The following CENPP variants were observed in gnomAD, a reference collection of about 807,000 sequenced individuals.
CENPP encodes the protein centromere protein P.
Under a neutral mutation model 35.6 loss-of-function variants are expected in CENPP, and 24 were observed. The ratio of observed to expected loss-of-function variants is 0.67; its 90% CI spans 0.49 to 0.95. The LOEUF (loss-of-function observed/expected upper bound fraction) is 0.95, where lower values mean the gene tolerates loss of function less well. Ranked by LOEUF, CENPP falls within the 40% of genes least tolerant of loss-of-function variation. The pLI is 0.00. For missense variants in CENPP, 332 were observed against 345.3 expected (o/e 0.96, Z 0.31); for synonymous variants, 120 against 125.5 (o/e 0.96, Z 0.29).
In CENPP at chr9:92,417,153, C is replaced by T. The variant is rs148128475; in HGVS notation, c.564+37294C>T. 2.6e-4 allele frequency: 414 copies of T among 1,613,826 alleles called. 1 individual carries two copies. The African/African-American group carries it at 4.9e-3, about 19-fold the overall frequency. On this transcript the variant is annotated intron_variant, in intron 5 of 7. Transcript: ENST00000375587. ...AGTAGATTTGGAAGCTTAGCAAACA[C>T]ACCATAATCAATCTTTTGAGATTTA... is the stretch of plus-strand genomic sequence containing the variant.
intron 5 of CENPP, chr9:92,386,179 A>G: frequency 6.7e-7 from 1 of 1,500,692 alleles, no homozygotes; most frequent in Non-Finnish European, 9.3e-7. Context: ...AGAGTCAGAT[A>G]TTGTGAAAGG....
At chr9:92,496,567 ATT>A in intron 5 of CENPP, 1 of 1,527,180 alleles carries the variant, frequency 6.5e-7, no homozygotes, top group Non-Finnish European at 8.7e-7. Flanking sequence ...TGTTAAAAAA[ATT>A]TTGTTCTTAA....
chr9:92,562,570 T>C (rs1401297506), intron 5 of CENPP, among the ~76,000 whole-genome samples: 1 of 152,224 alleles, frequency 6.6e-6, no homozygotes, highest in East Asian at 1.9e-4. Context: ...TTTCATATTG[T>C]AGGGTGTGGT....
intron 5 of CENPP, among the ~76,000 whole-genome samples, chr9:92,441,630 G>A (rs1308968067): frequency 3.3e-5 from 5 of 152,164 alleles, no homozygotes; most frequent in East Asian, 3.9e-4. Context: ...ATGATAGCGC[G>A]TACCTGTAGT....
intron 5 of CENPP, among the ~76,000 whole-genome samples, chr9:92,443,823 C>G (rs1326274086): frequency 1.3e-5 from 2 of 152,022 alleles, no homozygotes; most frequent in Admixed American, 6.6e-5. Context: ...CCACGCCCAG[C>G]TAATTTTTTT....
At chr9:92,494,008 C>G in intron 5 of CENPP, 3 of 1,477,178 alleles carry the variant, frequency 2.0e-6, no homozygotes, top group Non-Finnish European at 2.8e-6. Context: ...GTGTGCTCGT[C>G]GCATTGTCAC....
intron 7 of CENPP, 148 bp from the exon 8 acceptor site, chr9:92,612,871 C>T (rs532209844): frequency 1.0e-5 from 10 of 972,294 alleles, no homozygotes; most frequent in South Asian, 4.7e-5. Flanking sequence ...CCACTCACTC[C>T]ATCTCCTCGC....
intron 5 of CENPP, among the ~76,000 whole-genome samples, chr9:92,558,756 A>G (rs971498593): frequency 6.6e-6 from 1 of 152,060 alleles, no homozygotes; most frequent in East Asian, 1.9e-4. Flanking sequence ...AAGGACCATC[A>G]GGTGGGGACA....
At chr9:92,379,351 A>C (rs986441697) in intron 4 of CENPP, among the ~76,000 whole-genome samples, 2 of 152,218 alleles carry the variant, frequency 1.3e-5, no homozygotes, top group Non-Finnish European at 2.9e-5. Context: ...AATACGTAGA[A>C]GCCACTATGA....
At chr9:92,497,097 C>A (rs1370960894) in intron 5 of CENPP, among the ~76,000 whole-genome samples, 1 of 152,174 alleles carries the variant, frequency 6.6e-6, no homozygotes. Context: ...CCTTTGCACT[C>A]TGCATTCCCA....
At chr9:92,453,913 AGTTTGAGACCAG>A (rs1409480072) in intron 5 of CENPP, among the ~76,000 whole-genome samples, 2 of 152,134 alleles carry the variant, frequency 1.3e-5, no homozygotes, top group African/African-American at 2.4e-5. Context: ...TAAGCCCAAG[AGTTTGAGACCAG>A]CCTGGACAAT....
chr9:92,488,040 A>G (rs1015066730), intron 5 of CENPP, among the ~76,000 whole-genome samples: 2 of 152,188 alleles, frequency 1.3e-5, no homozygotes, highest in Admixed American at 1.3e-4. Flanking sequence ...TTCTGAGCAC[A>G]TGTATCTAGC....
Position 92,326,075 on chromosome 9 carries a change from C to G in CENPP, c.77C>G (p.Pro26Arg). 6.4e-7 allele frequency: 1 copy of G among 1,559,606 alleles called. No homozygotes were observed. The highest frequency in any genetic ancestry group is 8.7e-7 in the Non-Finnish European group (1 of 1,152,114). ...CTGCGGCGAGCGTGTGAGGACCCAC[C>G]GGCGCCCTGGGAAGAGAAGTCCCGA... is the stretch of plus-strand genomic sequence containing the variant. ...AALRRACEDP[P>R]APWEEKSRVQ... The change falls in exon 1 of 8, where the codon CCG becomes CGG. Residue 26 changes from proline to arginine, a missense_variant. Coordinates refer to ENST00000375587, the MANE Select transcript of CENPP (RefSeq NM_001012267.3).
Position 92,619,731 on chromosome 9 carries a change from T to G in CENPP, c.*6582T>G, listed in dbSNP as rs577115821. On this transcript the variant is annotated 3_prime_UTR_variant, in exon 8 of 8. Coordinates refer to ENST00000375587, the MANE Select transcript of CENPP (RefSeq NM_001012267.3). ...GAGCACGGGCGTCAGGAGGTCGCCC[T>G]GTGAGAGCACCTGGGCCAGCCCTCA... is the stretch of plus-strand genomic sequence containing the variant. 2.5e-5 allele frequency: 16 copies of G among 645,156 alleles called. No individual in the cohort carries two copies. In the African/African-American group the frequency reaches 2.9e-4, roughly 12 times the overall value. 40.0% of individuals were successfully genotyped at this position (645,156 alleles called of 1,614,324 possible).
intron 5 of CENPP, among the ~76,000 whole-genome samples, chr9:92,592,429 G>GT (rs1405233837): frequency 6.6e-6 from 1 of 152,118 alleles, no homozygotes; most frequent in African/African-American, 2.4e-5. Flanking sequence ...GCTCCCTGTT[G>GT]TTTTTTATGA....
At chr9:92,565,293 T>TTAA (rs1849938646) in intron 5 of CENPP, among the ~76,000 whole-genome samples, 1 of 33,162 alleles carries the variant, frequency 3.0e-5, no homozygotes, top group Non-Finnish European at 4.9e-5. Context: ...GCTGATGAGC[T>TTAA]AAAAAAAAAA....
intron 5 of CENPP, among the ~76,000 whole-genome samples, chr9:92,544,420 G>A (rs75178304): frequency 0.011 from 1,731 of 152,282 alleles, 26 homozygotes; most frequent in African/African-American, 0.038. Flanking sequence ...AGGTTGCAGC[G>A]AGCCACGATT....
chr9:92,575,805 C>A (rs1451587848), intron 5 of CENPP, among the ~76,000 whole-genome samples: 1 of 150,544 alleles, frequency 6.6e-6, no homozygotes, highest in Non-Finnish European at 1.5e-5. Flanking sequence ...GAGTGAGACT[C>A]CATTTCAAAA....
chr9:92,579,647 A>G (rs1259592429), intron 5 of CENPP, among the ~76,000 whole-genome samples: 1 of 150,360 alleles, frequency 6.7e-6, no homozygotes, highest in Admixed American at 6.6e-5. Flanking sequence ...TTGTACATTG[A>G]TTTTGTATCC....
Sources: allele counts gnomAD v4.1 joint callset (sites outside exome capture counted in the v4.1 genomes callset), GRCh38; gene constraint gnomAD v4.1.1; transcripts MANE v1.5; gene names NCBI Gene and HGNC (gene_info 2026-07-23, HGNC 2026-07-21).